Variants in ANP32A observed in about 807,000 individuals in gnomAD.
ANP32A encodes the protein acidic leucine-rich nuclear phosphoprotein 32 family member A.
In ANP32A, 1 loss-of-function variant was observed where a neutral mutation model predicts 33.9. That is an observed-to-expected ratio of 0.03 (90% CI 0.01 to 0.14). The LOEUF (loss-of-function observed/expected upper bound fraction) is 0.14. Ranked by LOEUF, ANP32A falls within the 10% of genes least tolerant of loss-of-function variation. The pLI is 1.00. For synonymous variants in ANP32A, 115 were observed against 120.5 expected (o/e 0.95, Z 0.30); for missense variants, 155 against 306.0 (o/e 0.51, Z 3.68).
chr15:68,779,925 C>CA lies in ANP32A; in HGVS notation c.*155dup. On this transcript the variant is annotated 3_prime_UTR_variant, in exon 7 of 7. Coordinates refer to ENST00000465139, the MANE Select transcript of ANP32A (RefSeq NM_006305.4). ...CCCCCACCCGCCATCCCTCCCCCCG[C>CA]AACCCCCAGTACACTCTTCCCCTCT... 1.9e-6 allele frequency: 1 copy of CA among 523,274 alleles called. No homozygotes were observed. The highest frequency in any genetic ancestry group is 3.3e-6 in the Non-Finnish European group (1 of 307,510). 32.4% of individuals were successfully genotyped at this position (523,274 alleles called of 1,614,324 possible).
chr15:68,787,185 T>C (rs1256254050), intron 3 of ANP32A: 11 of 571,786 alleles, frequency 1.9e-5, no homozygotes, highest in Non-Finnish European at 3.0e-5. Flanking sequence ...ACGCTACCCG[T>C]ACAATAGCTG....
At chr15:68,806,942 G>C (rs913644825) in intron 1 of ANP32A, among the ~76,000 whole-genome samples, 1 of 152,250 alleles carries the variant, frequency 6.6e-6, no homozygotes, top group Non-Finnish European at 1.5e-5. Context: ...GCTCTTCTAT[G>C]TCCCCAGCTG....
chr15:68,815,960 T>C (rs1894374687), intron 1 of ANP32A, among the ~76,000 whole-genome samples: 1 of 152,246 alleles, frequency 6.6e-6, no homozygotes, highest in South Asian at 2.1e-4. Flanking sequence ...AGATGCAGAC[T>C]GCCTGAGCAG....
chr15:68,779,921 C>A lies in ANP32A; in HGVS notation c.*160G>T. On this transcript the variant is annotated 3_prime_UTR_variant, in exon 7 of 7. Coordinates refer to ENST00000465139, the MANE Select transcript of ANP32A (RefSeq NM_006305.4). ...TCCACCCCCACCCGCCATCCCTCCCCCCGCAACCCCCAGTACACTCTTCCC... is the reference window on the plus strand; with the variant it reads ...TCCACCCCCACCCGCCATCCCTCCCACCGCAACCCCCAGTACACTCTTCCC... The A allele has an allele frequency of 2.0e-6, 1 of 500,282 alleles. No individual in the cohort carries two copies. Among genetic ancestry groups the A allele is most frequent in the East Asian group, 3.6e-5 (1 of 27,926 alleles). The allele number at this position is 500,282 out of a possible 1,614,324, so 31.0% of individuals were successfully genotyped here.
intron 1 of ANP32A, among the ~76,000 whole-genome samples, chr15:68,810,952 C>T (rs879454061): frequency 2.0e-5 from 3 of 150,348 alleles, no homozygotes; most frequent in African/African-American, 7.3e-5. Context: ...CCCAGCTACT[C>T]GGGAGGCTGA....
At chr15:68,781,903 C>A (rs949978616) in intron 5 of ANP32A, among the ~76,000 whole-genome samples, 26 of 152,198 alleles carry the variant, frequency 1.7e-4, no homozygotes, top group African/African-American at 6.3e-4. Flanking sequence ...CGCGCCTGGC[C>A]TCCGCGATTC....
At chr15:68,797,554 C>T (rs1055454261) in intron 1 of ANP32A, among the ~76,000 whole-genome samples, 5 of 152,174 alleles carry the variant, frequency 3.3e-5, no homozygotes, top group Non-Finnish European at 4.4e-5. Flanking sequence ...GGATCAAGTG[C>T]AAATCCAGAG....
chr15:68,816,380 A>G (rs1894382038), intron 1 of ANP32A, among the ~76,000 whole-genome samples: 1 of 152,164 alleles, frequency 6.6e-6, no homozygotes, highest in African/African-American at 2.4e-5. Context: ...CTCAATTTCC[A>G]TATGCACAAT....
At chr15:68,807,592 C>T (rs181748578) in intron 1 of ANP32A, among the ~76,000 whole-genome samples, 2 of 152,332 alleles carry the variant, frequency 1.3e-5, no homozygotes, top group East Asian at 1.9e-4. Flanking sequence ...ACCCCACCCC[C>T]ACCGCTGACC....
chr15:68,781,623 T>TA (rs1180855895), intron 5 of ANP32A: 1 of 149,502 alleles, frequency 6.7e-6, no homozygotes, highest in Non-Finnish European at 1.5e-5. Flanking sequence ...TTTTTTTTTT[T>TA]AACTGAGTCT....
intron 1 of ANP32A, among the ~76,000 whole-genome samples, chr15:68,805,980 GAATGAATGAATGA>G (rs1466080541): frequency 6.6e-6 from 1 of 152,306 alleles, no homozygotes; most frequent in African/African-American, 2.4e-5. Flanking sequence ...TGTGTGGAAT[GAATGAATGAATGA>G]TTAGCCAAGC....
chr15:68,779,449 T>C lies in ANP32A; in HGVS notation c.*632A>G, dbSNP rs1258244764. ...GTTTTCAGCTCTCTGGCTCATAAGC[T>C]CAAGAGTAACATCAGAGTCCTCTTT... On this transcript the variant is annotated 3_prime_UTR_variant, in exon 7 of 7. Coordinates refer to ENST00000465139, the MANE Select transcript of ANP32A (RefSeq NM_006305.4). 1 of 152,170 alleles carries C rather than the reference T, an allele frequency of 6.6e-6. No homozygotes were observed. Among genetic ancestry groups the C allele is most frequent in the African/African-American group, 2.4e-5 (1 of 41,434 alleles). 9.4% of individuals were successfully genotyped at this position (152,170 alleles called of 1,614,324 possible). A position where few individuals can be genotyped will look rare whatever the true frequency, so the allele number is the denominator to read the frequency against.
At position 68,784,578 on chromosome 15, in the gene ANP32A, G is replaced by C; in HGVS notation, c.345C>G (p.Leu115=). 6.2e-7 allele frequency: 1 copy of C among 1,614,170 alleles called. No homozygotes were observed. The highest frequency in any genetic ancestry group is 8.5e-7 in the Non-Finnish European group (1 of 1,180,036). ...CGCAATTGAAAAGGTCTAAGCTCTT[G>C]AGGTTTTCTAACTTTTTCTGCAAGC... The part of the protein sequence containing the change: ...TIEPLKKLEN[L]KSLDLFNCEV... Residue 115 remains leucine, a synonymous_variant, in exon 4 of 7, where the codon CTC becomes CTG. Transcript: ENST00000465139.
In ANP32A at chr15:68,779,991, C is replaced by A. The variant is rs1159716767; in HGVS notation, c.*90G>T. ...GTTACAATCAGAAAAAAATAAGTTT[C>A]AGGGGGCAGGATTGGAGGGGGGGGG... On this transcript the variant is annotated 3_prime_UTR_variant, in exon 7 of 7. Transcript: ENST00000465139. 4.6e-5 allele frequency: 51 copies of A among 1,109,374 alleles called. No homozygotes were observed. The highest frequency in any genetic ancestry group is 1.2e-4 in the Admixed American group (5 of 40,826). The allele number at this position is 1,109,374 out of a possible 1,614,324, so 68.7% of individuals were successfully genotyped here. A position where few individuals can be genotyped will look rare whatever the true frequency, so the allele number is the denominator to read the frequency against.
intron 1 of ANP32A, chr15:68,790,587 C>T (rs1893986933): frequency 6.6e-6 from 1 of 152,254 alleles, no homozygotes; most frequent in African/African-American, 2.4e-5. Flanking sequence ...ACTCGCTAGG[C>T]ACACTCTAGG....
At position 68,804,065 on chromosome 15, in the gene ANP32A, C is replaced by T. The variant is rs185118351; in HGVS notation, c.55-16146G>A. ...TCCACCCACCTCGGCCTCCCAAAGT[C>T]CTGGGATTACAGGCATGAGCCACTG... On this transcript the variant is annotated intron_variant, in intron 1 of 6. Coordinates refer to ENST00000465139, the MANE Select transcript of ANP32A (RefSeq NM_006305.4). Among the ~76,000 whole-genome samples the T allele has an allele frequency of 2.7e-3, 411 of 152,080 alleles. 4 individuals are homozygous for T. The highest frequency in any genetic ancestry group is 9.6e-3 in the African/African-American group (397 of 41,468).
At chr15:68,808,407 C>T (rs1382170948) in intron 1 of ANP32A, among the ~76,000 whole-genome samples, 1 of 152,232 alleles carries the variant, frequency 6.6e-6, no homozygotes, top group Non-Finnish European at 1.5e-5. Flanking sequence ...CCAGCTCCAC[C>T]ACAGGAGCCA....
chr15:68,812,048 T>TC (rs55994262), intron 1 of ANP32A, among the ~76,000 whole-genome samples: 1,801 of 150,970 alleles, frequency 0.012, 19 homozygotes, highest in Middle Eastern at 0.024. Flanking sequence ...TTTTTTTTTT[T>TC]TTAAGTGAAT....
At chr15:68,788,199 C>T (rs534533477) in intron 1 of ANP32A, among the ~76,000 whole-genome samples, 6 of 152,094 alleles carry the variant, frequency 3.9e-5, no homozygotes, top group African/African-American at 7.2e-5. Flanking sequence ...TTGGCTGTAC[C>T]GCAGAAGACA....
Sources: gnomAD v4.1 joint callset for allele counts (sites outside exome capture counted in the v4.1 genomes callset) on GRCh38, gnomAD v4.1.1 for gene constraint, MANE v1.5 for transcripts, NCBI Gene and HGNC (gene_info 2026-07-23, HGNC 2026-07-21) for gene names.